Variants in NRCAM observed in about 807,000 individuals in gnomAD.
NRCAM encodes the protein NgCAM-related cell adhesion molecule.
In NRCAM, 83 loss-of-function variants were observed where a neutral mutation model predicts 156.5. That is an observed-to-expected ratio of 0.53 (90% CI 0.44 to 0.64). The LOEUF (loss-of-function observed/expected upper bound fraction) is 0.64. Ranked by LOEUF, NRCAM falls within the 30% of genes least tolerant of loss-of-function variation. The pLI is 0.00. For missense variants in NRCAM, 1,417 were observed against 1,597.3 expected, an observed-to-expected ratio of 0.89 and a Z score of 1.92; for synonymous variants, 538 against 563.9, an observed-to-expected ratio of 0.95 and a Z score of 0.65.
intron 3 of NRCAM, among the ~76,000 whole-genome samples, chr7:108,305,450 G>A (rs899986107): frequency 2.0e-5 from 3 of 152,036 alleles, no homozygotes; most frequent in Non-Finnish European, 2.9e-5. Flanking sequence ...CCCAGGGAAC[G>A]AAGCCATTTA....
intron 3 of NRCAM, among the ~76,000 whole-genome samples, chr7:108,311,220 C>A (rs916266059): frequency 6.6e-6 from 1 of 152,170 alleles, no homozygotes; most frequent in African/African-American, 2.4e-5. Flanking sequence ...ATTTTCCATA[C>A]CTTACTGCTG....
intron 2 of NRCAM, among the ~76,000 whole-genome samples, chr7:108,363,135 C>G (rs2099570197): frequency 6.6e-6 from 1 of 151,766 alleles, no homozygotes; most frequent in Non-Finnish European, 1.5e-5. Context: ...ATTATAATCC[C>G]AAGTATAAAA....
intron 3 of NRCAM, among the ~76,000 whole-genome samples, chr7:108,288,237 A>G (rs1043811012): frequency 6.6e-6 from 1 of 152,088 alleles, no homozygotes; most frequent in African/African-American, 2.4e-5. Flanking sequence ...AGACTCCAAG[A>G]GGTGGGAGAG....
intron 5 of NRCAM, 151 bp from the exon 6 acceptor site, chr7:108,234,839 G>C (rs750485774): frequency 7.8e-6 from 6 of 765,702 alleles, no homozygotes; most frequent in Admixed American, 1.7e-5. Flanking sequence ...TACTTCAGTA[G>C]ATTTTTCTGC....
chr7:108,418,094 G>A (rs1309960199), intron 1 of NRCAM, among the ~76,000 whole-genome samples: 3 of 152,042 alleles, frequency 2.0e-5, no homozygotes, highest in Admixed American at 6.6e-5. Context: ...CCTGTGACAC[G>A]CAGACCAAGA....
At chr7:108,202,533 C>T (rs547695553) in intron 13 of NRCAM, among the ~76,000 whole-genome samples, 4 of 152,222 alleles carry the variant, frequency 2.6e-5, no homozygotes, top group African/African-American at 7.2e-5. Flanking sequence ...TTTCCTGGAA[C>T]GTGAACATTT....
At chr7:108,191,403 G>T in intron 18 of NRCAM, 120 bp from the exon 19 acceptor site, 1 of 753,122 alleles carries the variant, frequency 1.3e-6, no homozygotes, top group Non-Finnish European at 2.1e-6. Context: ...CCTATGCTTA[G>T]CTGTGAGACA....
chr7:108,354,739 A>C (rs2099470273), intron 2 of NRCAM, among the ~76,000 whole-genome samples: 1 of 151,946 alleles, frequency 6.6e-6, no homozygotes, highest in South Asian at 2.1e-4. Context: ...TATTAAAAGT[A>C]CACAATTAGC....
intron 32 of NRCAM, among the ~76,000 whole-genome samples, chr7:108,154,288 T>C (rs2043510784): frequency 1.3e-5 from 2 of 152,184 alleles, no homozygotes; most frequent in South Asian, 2.1e-4. Flanking sequence ...TTTATTCCTA[T>C]GTCATATTTT....
intron 2 of NRCAM, among the ~76,000 whole-genome samples, 167 bp from the exon 3 acceptor site, chr7:108,312,898 G>C (rs1052967306): frequency 6.6e-6 from 1 of 152,242 alleles, no homozygotes; most frequent in African/African-American, 2.4e-5. Context: ...ACATATCTCT[G>C]CTGGCTTCAA....
intron 11 of NRCAM, among the ~76,000 whole-genome samples, chr7:108,221,093 A>G (rs1370988996): frequency 6.6e-6 from 1 of 152,232 alleles, no homozygotes; most frequent in Non-Finnish European, 1.5e-5. Flanking sequence ...CAAACATGAA[A>G]AAATGCTCAA....
At chr7:108,282,510 C>G (rs1591606507) in intron 3 of NRCAM, among the ~76,000 whole-genome samples, 1 of 152,254 alleles carries the variant, frequency 6.6e-6, no homozygotes, top group Admixed American at 6.5e-5. Context: ...GTACTTGGAA[C>G]AATGTTAATG....
At chr7:108,223,628 A>C in intron 11 of NRCAM, 97 bp downstream of exon 11, 1 of 551,400 alleles carries the variant, frequency 1.8e-6, no homozygotes, top group Non-Finnish European at 3.2e-6. Flanking sequence ...GAATTAGTAG[A>C]AGACAATGAC....
intron 1 of NRCAM, among the ~76,000 whole-genome samples, chr7:108,408,703 A>G (rs1791531572): frequency 6.6e-6 from 1 of 152,226 alleles, no homozygotes; most frequent in African/African-American, 2.4e-5. Flanking sequence ...TTTGAACATA[A>G]TTAGTGTTGG....
chr7:108,408,818 A>G (rs1051393377), intron 1 of NRCAM, among the ~76,000 whole-genome samples: 3 of 152,216 alleles, frequency 2.0e-5, no homozygotes, highest in African/African-American at 7.2e-5. Context: ...TAGAAGAGAA[A>G]GAAATGGAGC....
intron 2 of NRCAM, among the ~76,000 whole-genome samples, chr7:108,371,949 A>G (rs2099631240): frequency 6.6e-6 from 1 of 152,148 alleles, no homozygotes; most frequent in African/African-American, 2.4e-5. Flanking sequence ...GAGGCATCAC[A>G]CTTCCTGATT....
chr7:108,155,225 T>C (rs1049994842), intron 32 of NRCAM, among the ~76,000 whole-genome samples: 2 of 151,096 alleles, frequency 1.3e-5, no homozygotes, highest in East Asian at 3.9e-4. Context: ...AGGTAAAAAT[T>C]CATTCACATT....
intron 3 of NRCAM, among the ~76,000 whole-genome samples, chr7:108,278,930 T>C (rs2097754990): frequency 6.7e-6 from 1 of 148,466 alleles, no homozygotes. Flanking sequence ...CTAAAACTCC[T>C]CTTAAGGAAT....
rs2097209079 is a variant in NRCAM, at chr7:108,268,637, G to GGA, written c.-106-28468_-106-28467insTC. Among the ~76,000 whole-genome samples, 191 of 48,568 alleles carry GGA rather than the reference G, an allele frequency of 3.9e-3. 2 individuals are homozygous for GGA. Among genetic ancestry groups the GGA allele is most frequent in the Middle Eastern group, 0.01 (1 of 96 alleles). 31.9% of individuals were successfully genotyped at this position (48,568 alleles called of 152,430 possible). A position where few individuals can be genotyped will look rare whatever the true frequency, so the allele number is the denominator to read the frequency against. On this transcript the variant is annotated intron_variant, in intron 3 of 32. Coordinates refer to ENST00000379028, the MANE Select transcript of NRCAM (RefSeq NM_001037132.4). ...GCGGGGGTGGGGGTGGGGGGGGGTT[G>GGA]GGGGGGGCGGCGGTGGCGGGAAGAG...
Sources: allele counts gnomAD v4.1 joint callset (sites outside exome capture counted in the v4.1 genomes callset), GRCh38; gene constraint gnomAD v4.1.1; transcripts MANE v1.5; gene names NCBI Gene and HGNC (gene_info 2026-07-23, HGNC 2026-07-21).